CDH18: variants seen among roughly 807,000 people sequenced by gnomAD.
The protein encoded by CDH18 is cadherin-18.
CDH18 carries 31 observed loss-of-function variants against 67.9 expected under a neutral mutation model. The ratio of observed to expected loss-of-function variants is 0.46; its 90% CI spans 0.34 to 0.62. CDH18 has a LOEUF of 0.62. Ranked by LOEUF, CDH18 falls within the 20% of genes least tolerant of loss-of-function variation. The pLI is 0.01. For synonymous variants in CDH18, 362 were observed against 347.2 expected, an observed-to-expected ratio of 1.04 and a Z score of -0.48; for missense variants, 890 against 975.5, an observed-to-expected ratio of 0.91 and a Z score of 1.17.
chr5:20,417,748 T>G (rs1300898852), intron 1 of CDH18, among the ~76,000 whole-genome samples: 1 of 152,150 alleles, frequency 6.6e-6, no homozygotes, highest in Non-Finnish European at 1.5e-5. Context: ...AGTCATATAT[T>G]CCTGCAGATG....
chr5:20,418,147 C>T (rs1747488301), intron 1 of CDH18, among the ~76,000 whole-genome samples: 2 of 151,752 alleles, frequency 1.3e-5, no homozygotes, highest in African/African-American at 2.4e-5. Context: ...GCAATCTTGG[C>T]TCACCGCAAC....
At chr5:20,501,534 A>C in intron 1 of CDH18, among the ~76,000 whole-genome samples, 1 of 49,632 alleles carries the variant, frequency 2.0e-5, no homozygotes, top group South Asian at 8.1e-4. Context: ...TATTATATAT[A>C]TTATATACAT....
chr5:19,746,641 T>C (rs1770033556), intron 4 of CDH18, among the ~76,000 whole-genome samples: 1 of 152,184 alleles, frequency 6.6e-6, no homozygotes, highest in Non-Finnish European at 1.5e-5. Flanking sequence ...ATTCACGTGA[T>C]AGAAGAGCCA....
chr5:19,960,673 A>ATG (rs1285284391), intron 2 of CDH18, among the ~76,000 whole-genome samples: 5 of 136,494 alleles, frequency 3.7e-5, no homozygotes, highest in Non-Finnish European at 7.6e-5. Flanking sequence ...ACACATGTAT[A>ATG]TATATGTATA....
Position 19,799,216 on chromosome 5 carries a change from T to C in CDH18, c.228+39543A>G, listed in dbSNP as rs116458411. Among the ~76,000 whole-genome samples the C allele has an allele frequency of 3.8e-3, 579 of 152,118 alleles. 6 individuals carry two copies. Among genetic ancestry groups the C allele is most frequent in the African/African-American group, 0.013 (554 of 41,516 alleles). On this transcript the variant is annotated intron_variant, in intron 3 of 12. Coordinates refer to ENST00000382275, the MANE Select transcript of CDH18 (RefSeq NM_004934.5). ...TAAAATATTCAGTCTCACACAAGCA[T>C]ACAAGAGAATTGTGGATGCAATGGG...
intron 4 of CDH18, among the ~76,000 whole-genome samples, chr5:19,735,736 C>T (rs376631088): frequency 6.6e-6 from 1 of 152,010 alleles, no homozygotes; most frequent in East Asian, 1.9e-4. Context: ...ACCTATACTT[C>T]GTAAGAAAAA....
intron 4 of CDH18, among the ~76,000 whole-genome samples, chr5:19,731,688 A>C (rs1282076082): frequency 1.3e-5 from 2 of 152,222 alleles, no homozygotes; most frequent in Non-Finnish European, 2.9e-5. Context: ...TAATCGTCGA[A>C]GTATTCTATC....
chr5:20,567,999 T>C (rs1323260339), intron 1 of CDH18, among the ~76,000 whole-genome samples: 2 of 152,222 alleles, frequency 1.3e-5, no homozygotes, highest in Non-Finnish European at 2.9e-5. Context: ...TTAGAAGCAC[T>C]GAGTGTAAAT....
chr5:19,936,205 C>T (rs943661288), intron 2 of CDH18, among the ~76,000 whole-genome samples: 1 of 151,102 alleles, frequency 6.6e-6, no homozygotes, highest in African/African-American at 2.4e-5. Flanking sequence ...TCATTTGTTG[C>T]CTTGTTACTT....
intron 2 of CDH18, among the ~76,000 whole-genome samples, chr5:19,852,306 A>G (rs762353186): frequency 6.6e-5 from 10 of 152,096 alleles, no homozygotes; most frequent in Non-Finnish European, 1.2e-4. Flanking sequence ...ACAACTGCTC[A>G]GTATGAATAA....
chr5:20,234,979 G>A (rs1742361287), intron 2 of CDH18, among the ~76,000 whole-genome samples: 1 of 151,976 alleles, frequency 6.6e-6, no homozygotes, highest in African/African-American at 2.4e-5. Context: ...CAATCTACAT[G>A]AACTTAAAAT....
intron 2 of CDH18, among the ~76,000 whole-genome samples, chr5:20,167,238 T>A (rs186675157): frequency 2.4e-3 from 361 of 152,252 alleles, no homozygotes; most frequent in African/African-American, 8.1e-3. Context: ...GCACTGAATT[T>A]AAACACCAAA....
At chr5:20,248,403 T>A (rs1561910685) in intron 2 of CDH18, among the ~76,000 whole-genome samples, 1 of 152,230 alleles carries the variant, frequency 6.6e-6, no homozygotes, top group East Asian at 1.9e-4. Flanking sequence ...CAAGTCTTTA[T>A]AAATCTACCA....
intron 2 of CDH18, among the ~76,000 whole-genome samples, chr5:20,237,742 T>C (rs1482849249): frequency 6.6e-6 from 1 of 151,976 alleles, no homozygotes; most frequent in Non-Finnish European, 1.5e-5. Context: ...CACAAGTTCA[T>C]CTACAGATGC....
chr5:20,541,771 G>A (rs1002437499), intron 1 of CDH18, among the ~76,000 whole-genome samples: 1 of 152,146 alleles, frequency 6.6e-6, no homozygotes, highest in South Asian at 2.1e-4. Context: ...GCATTATAAA[G>A]AAATCAGCAG....
At chr5:20,054,908 C>T (rs1741768049) in intron 2 of CDH18, among the ~76,000 whole-genome samples, 1 of 150,606 alleles carries the variant, frequency 6.6e-6, no homozygotes, top group Non-Finnish European at 1.5e-5. Context: ...ATGTGACTAT[C>T]TAAGACTGAG....
chr5:20,182,386 T>G (rs1737753692), intron 2 of CDH18, among the ~76,000 whole-genome samples: 1 of 151,784 alleles, frequency 6.6e-6, no homozygotes, highest in Non-Finnish European at 1.5e-5. Flanking sequence ...GCAGATCACC[T>G]GAGGTGAGGA....
chr5:20,468,137 C>T (rs1483116324), intron 1 of CDH18, among the ~76,000 whole-genome samples: 1 of 152,002 alleles, frequency 6.6e-6, no homozygotes, highest in South Asian at 2.1e-4. Flanking sequence ...GCCTTAGCCT[C>T]CTGAGTAGCT....
chr5:20,008,143 T>TTGTG (rs1737075062), intron 2 of CDH18, among the ~76,000 whole-genome samples: 1 of 152,074 alleles, frequency 6.6e-6, no homozygotes, highest in Admixed American at 6.6e-5. Context: ...CATATACATC[T>TTGTG]TGTGTGTGTA....
Sources: allele counts gnomAD v4.1 joint callset (sites outside exome capture counted in the v4.1 genomes callset), GRCh38; gene constraint gnomAD v4.1.1; transcripts MANE v1.5; gene names NCBI Gene and HGNC (gene_info 2026-07-23, HGNC 2026-07-21).